AFF2: variants seen among roughly 807,000 people sequenced by gnomAD.
AFF2 encodes ALF transcription elongation factor 2.
AFF2 carries 14 observed loss-of-function variants against 76.9 expected under a neutral mutation model. That is an observed-to-expected ratio of 0.18 (90% CI 0.12 to 0.28). The LOEUF (loss-of-function observed/expected upper bound fraction) is 0.28, where lower values mean the gene tolerates loss of function less well. AFF2 is among the 10% of genes least tolerant of loss of function. The pLI, the probability that AFF2 is intolerant of heterozygous loss-of-function variation, is 1.00. For missense variants in AFF2, 868 were observed against 1,001.1 expected, an observed-to-expected ratio of 0.87 and a Z score of 1.79; for synonymous variants, 398 against 366.7, an observed-to-expected ratio of 1.09 and a Z score of -0.98.
At position 148,662,538 on chromosome X, in the gene AFF2, C is replaced by T. The variant is rs1457300208; in HGVS notation, c.811C>T (p.Pro271Ser). The T allele has an allele frequency of 8.3e-7, 1 of 1,210,104 alleles. No homozygotes were observed. Among genetic ancestry groups the T allele is most frequent in the African/African-American group, 1.8e-5 (1 of 57,131 alleles). Residue 271 changes from proline to serine, a missense_variant, in exon 3 of 21, where the codon CCA becomes TCA. Physicochemically the swap from Pro to Ser is moderately conservative, Grantham distance 74. Transcript: ENST00000370460. ...PSSGLSVQNFPPGLYCKTSMG... is the reference protein window; with the variant it reads ...PSSGLSVQNFSPGLYCKTSMG... ...CAGTGGCCTTTCAGTTCAAAACTTC[C>T]CACCAGGGCTTTACTGCAAAACAAG...
chrX:148,672,034 T>A (rs1039281199), intron 3 of AFF2, among the ~76,000 whole-genome samples: 6 of 111,226 alleles, frequency 5.4e-5, no homozygotes, highest in Admixed American at 3.8e-4. Context: ...TCTGAGCCAG[T>A]CATAAAAAAA....
At position 148,678,422 on chromosome X, in the gene AFF2, G is replaced by A. The variant is rs1198343697; in HGVS notation, c.1041+15654G>A. Among the ~76,000 whole-genome samples the A allele has an allele frequency of 8.0e-5, 9 of 112,446 alleles. No individual in the cohort carries two copies. In the Admixed American group the frequency reaches 8.5e-4, roughly 11 times the overall value. On this transcript the variant is annotated intron_variant, in intron 3 of 20. Transcript: ENST00000370460. ...ATTATTTTCTTTGAGTGGGGGACAA[G>A]GAGTGGCAGTAAGACTGTAGAGGTG...
chrX:148,627,700 G>A (rs1022524557), intron 1 of AFF2, among the ~76,000 whole-genome samples: 1 of 112,143 alleles, frequency 8.9e-6, no homozygotes, highest in African/African-American at 3.2e-5. Context: ...GTAAAGGGAA[G>A]GAGGCAAAGA....
chrX:148,762,058 A>G (rs2069453398), intron 3 of AFF2, among the ~76,000 whole-genome samples: 1 of 110,177 alleles, frequency 9.1e-6, no homozygotes, highest in South Asian at 3.8e-4. Context: ...ACGTTTTTAA[A>G]ATTTCAATAG....
At chrX:148,984,724 G>A (rs1273539482) in intron 19 of AFF2, among the ~76,000 whole-genome samples, 1 of 111,987 alleles carries the variant, frequency 8.9e-6, no homozygotes, top group Non-Finnish European at 1.9e-5. Flanking sequence ...TAACACTTCA[G>A]TGTAATAAAG....
At chrX:148,570,686 T>G (rs1055076926) in intron 1 of AFF2, among the ~76,000 whole-genome samples, 18 of 111,402 alleles carry the variant, frequency 1.6e-4, no homozygotes, top group Non-Finnish European at 1.1e-4. Flanking sequence ...ATGTTTTGTT[T>G]CCCAGTTCTA....
At chrX:148,816,582 G>A (rs1292786477) in intron 4 of AFF2, among the ~76,000 whole-genome samples, 1 of 111,203 alleles carries the variant, frequency 9.0e-6, no homozygotes, top group Non-Finnish European at 1.9e-5. Flanking sequence ...TAATGAGAAT[G>A]GGCATTAAAG....
chrX:148,781,449 G>T (rs1219941098), intron 3 of AFF2, among the ~76,000 whole-genome samples: 1 of 112,510 alleles, frequency 8.9e-6, no homozygotes, highest in Non-Finnish European at 1.9e-5. Flanking sequence ...TAAATAGGCA[G>T]TCTGACTATA....
At chrX:148,771,562 C>T (rs782097698) in intron 3 of AFF2, among the ~76,000 whole-genome samples, 2 of 112,219 alleles carry the variant, frequency 1.8e-5, no homozygotes, top group Admixed American at 1.9e-4. Context: ...AAAAGAAGCC[C>T]TTTCAGGCTT....
chrX:148,696,328 T>A (rs1403738547), intron 3 of AFF2, among the ~76,000 whole-genome samples: 3 of 109,806 alleles, frequency 2.7e-5, no homozygotes, highest in Non-Finnish European at 5.7e-5. Flanking sequence ...AGGGATAGCA[T>A]TAGGAGATAT....
chrX:148,712,552 A>G (rs1376792739), intron 3 of AFF2, among the ~76,000 whole-genome samples: 3 of 111,880 alleles, frequency 2.7e-5, no homozygotes, highest in Non-Finnish European at 5.6e-5. Flanking sequence ...CAGTGATCAG[A>G]CTGGGCAACC....
intron 3 of AFF2, among the ~76,000 whole-genome samples, chrX:148,679,031 A>C (rs1223521282): frequency 9.1e-6 from 1 of 110,270 alleles, no homozygotes; most frequent in African/African-American, 3.3e-5. Flanking sequence ...ATTACATAAC[A>C]CCGCTGTATA....
At chrX:148,782,772 A>G (rs969494112) in intron 3 of AFF2, among the ~76,000 whole-genome samples, 1 of 111,903 alleles carries the variant, frequency 8.9e-6, no homozygotes, top group African/African-American at 3.2e-5. Flanking sequence ...ATGTAGTTAT[A>G]CGTGGGTCAA....
chrX:148,708,997 G>A (rs1603283474), intron 3 of AFF2, among the ~76,000 whole-genome samples: 1 of 111,193 alleles, frequency 9.0e-6, no homozygotes, highest in African/African-American at 3.3e-5. Context: ...TTAACCTGAC[G>A]GAATGACTGA....
At position 148,955,671 on chromosome X, in the gene AFF2, G is replaced by C. The variant is rs782040835; in HGVS notation, c.1626G>C (p.Lys542Asn). Residue 542 changes from lysine to asparagine, a missense_variant, in exon 11 of 21, where the codon AAG (lysine) becomes AAC (asparagine). This residue lies in a region of AFF2 where 532 missense variants were observed against 564.2 expected (regional missense o/e 0.94). Transcript: ENST00000370460. ...TTAACAAAGTGACATCCCAGAACAA[G>C]TCTTTTATTTGTGGCCAAAATGAAA... ...KWLNKVTSQN[K>N]SFICGQNETP... 28 of 1,209,938 alleles carry C rather than the reference G, an allele frequency of 2.3e-5. 1 individual carries two copies. In the South Asian group the frequency reaches 4.9e-4, roughly 21 times the overall value.
intron 1 of AFF2, among the ~76,000 whole-genome samples, chrX:148,635,511 G>A (rs150693963): frequency 5.8e-4 from 65 of 111,999 alleles, no homozygotes; most frequent in African/African-American, 2.0e-3. Flanking sequence ...AAGCCATTGC[G>A]TTTGTAGTAA....
At chrX:148,739,829 G>A (rs983658708) in intron 3 of AFF2, among the ~76,000 whole-genome samples, 1 of 111,771 alleles carries the variant, frequency 8.9e-6, no homozygotes, top group Non-Finnish European at 1.9e-5. Context: ...AGCAGTTCTT[G>A]TAGTGGTGGC....
chrX:148,704,867 A>G (rs2054863809), intron 3 of AFF2, among the ~76,000 whole-genome samples: 1 of 109,865 alleles, frequency 9.1e-6, no homozygotes, highest in African/African-American at 3.3e-5. Context: ...GGATCTCACT[A>G]TGTTGCCCAA....
intron 3 of AFF2, among the ~76,000 whole-genome samples, chrX:148,763,905 C>T (rs782738584): frequency 2.7e-5 from 3 of 112,101 alleles, no homozygotes; most frequent in Admixed American, 1.9e-4. Context: ...ACAACGATAA[C>T]GTTTTCCTGG....
Sources: gnomAD v4.1 joint callset for allele counts (sites outside exome capture counted in the v4.1 genomes callset) on GRCh38, gnomAD v4.1.1 for gene constraint, gnomAD v4.1.1 regional missense constraint, MANE v1.5 for transcripts, NCBI Gene and HGNC (gene_info 2026-07-23, HGNC 2026-07-21) for gene names.